COL4A1: variants seen among roughly 807,000 people sequenced by gnomAD.
The protein encoded by COL4A1 is collagen alpha-1(IV) chain.
COL4A1 carries 40 observed loss-of-function variants against 216.6 expected under a neutral mutation model. The observed-to-expected ratio is 0.18, with a 90% confidence interval of 0.14 to 0.24. COL4A1 has a LOEUF of 0.24. COL4A1 is among the 10% of genes least tolerant of loss of function. COL4A1 has a pLI of 1.00. For missense variants in COL4A1, 1,628 were observed against 2,196.8 expected (o/e 0.74, Z 5.18); for synonymous variants, 839 against 810.7 (o/e 1.03, Z -0.59).
chr13:110,155,907 C>T (rs761117439), intron 49 of COL4A1, among the ~76,000 whole-genome samples: 14 of 151,740 alleles, frequency 9.2e-5, no homozygotes, highest in Non-Finnish European at 1.8e-4. Context: ...AGTGAAACTC[C>T]GTCTCAAAAA....
chr13:110,225,066 T>C (rs1006206102), intron 2 of COL4A1, among the ~76,000 whole-genome samples: 2 of 152,170 alleles, frequency 1.3e-5, no homozygotes, highest in African/African-American at 4.8e-5. Context: ...GATATAATTA[T>C]TTATCAAAAT....
At chr13:110,196,260 T>TC (rs140878509) in intron 21 of COL4A1, among the ~76,000 whole-genome samples, 3 of 152,180 alleles carry the variant, frequency 2.0e-5, no homozygotes, top group African/African-American at 7.2e-5. Flanking sequence ...TCACCATGGG[T>TC]CCCCCACAGC....
In COL4A1 at chr13:110,242,611, G is replaced by C. The variant is rs1056562532; in HGVS notation, c.144+64C>G. ...CTGAATTGCTGATTATTCGGTTACT[G>C]TTAATGTAGTACTTACTGTCCAATT... is the stretch of plus-strand genomic sequence containing the variant. On this transcript the variant is annotated intron_variant, in intron 2 of 51. Transcript: ENST00000375820. The C allele has an allele frequency of 7.8e-6, 12 of 1,531,456 alleles. No homozygotes were observed. The African/African-American group carries it at 9.6e-5, about 12-fold the overall frequency. 94.9% of individuals were successfully genotyped at this position (1,531,456 alleles called of 1,614,324 possible).
rs1555308840 is a variant in COL4A1, at chr13:110,227,427, A to ACACACAC, written c.145-13413_145-13412insGTGTGTG. Among the ~76,000 whole-genome samples the ACACACAC allele has an allele frequency of 3.5e-3, 455 of 130,432 alleles. 2 individuals are homozygous for ACACACAC. Among genetic ancestry groups the ACACACAC allele is most frequent in the Non-Finnish European group, 4.4e-3 (269 of 61,016 alleles). The allele number at this position is 130,432 out of a possible 152,430, so 85.6% of individuals were successfully genotyped here. On this transcript the variant is annotated intron_variant, in intron 2 of 51. Coordinates refer to ENST00000375820, the MANE Select transcript of COL4A1 (RefSeq NM_001845.6). Reference sequence around the variant, plus strand: ...ACACACACACACACACACACACACAAACACACACAAACACAGAATCAGAAA... The same window carrying ACACACAC: ...ACACACACACACACACACACACACAACACACACACACACACAAACACAGAATCAGAAA...
At chr13:110,184,395 A>G (rs1380096116) in intron 26 of COL4A1, among the ~76,000 whole-genome samples, 1 of 152,230 alleles carries the variant, frequency 6.6e-6, no homozygotes, top group African/African-American at 2.4e-5. Context: ...TTGTGGAATC[A>G]AGAGACCCAA....
chr13:110,307,114 G>T lies in COL4A1; in HGVS notation c.-87C>A. ...TAGCTCTCGGAAGGCCGGACTTCCAGCGCTACGCACCGTCCCGGGTGCGGC... is the reference window on the plus strand; with the variant it reads ...TAGCTCTCGGAAGGCCGGACTTCCATCGCTACGCACCGTCCCGGGTGCGGC... On this transcript the variant is annotated 5_prime_UTR_variant, in exon 1 of 52. The change creates a new upstream start codon in the 5' untranslated region. Coordinates refer to ENST00000375820, the MANE Select transcript of COL4A1 (RefSeq NM_001845.6). This position sits in a 1 kb window ranked among gnomAD's most constrained non-coding sequence, Gnocchi z 5.0. The T allele has an allele frequency of 8.9e-7, 1 of 1,128,526 alleles. No homozygotes were observed. The highest frequency in any genetic ancestry group is 1.2e-6 in the Non-Finnish European group (1 of 847,184). 69.9% of individuals were successfully genotyped at this position (1,128,526 alleles called of 1,614,324 possible).
intron 1 of COL4A1, among the ~76,000 whole-genome samples, chr13:110,263,148 C>T (rs1159091313): frequency 2.0e-5 from 3 of 152,204 alleles, no homozygotes; most frequent in Non-Finnish European, 4.4e-5. Flanking sequence ...CACAGTGTAT[C>T]CTCTCCAGTC....
chr13:110,221,528 A>G (rs971057631), intron 2 of COL4A1, among the ~76,000 whole-genome samples: 12 of 152,190 alleles, frequency 7.9e-5, no homozygotes, highest in Non-Finnish European at 7.3e-5. Context: ...GAGTGCTGAT[A>G]AATTACTGGC....
chr13:110,211,634 A>C lies in COL4A1; in HGVS notation c.468+13T>G, dbSNP rs747012268. On this transcript the variant is annotated intron_variant, in intron 8 of 51. Transcript: ENST00000375820. The surrounding 1 kb of genome is among the most constrained non-coding windows in gnomAD (Gnocchi z 4.3). ...GTAATGAATCCAATAAAGCAAAATA[A>C]AATAAAATGTACCTTCATCCCTGGT... is the stretch of plus-strand genomic sequence containing the variant. 8.1e-6 allele frequency: 13 copies of C among 1,611,314 alleles called. No individual in the cohort carries two copies. The East Asian group carries it at 1.1e-4, about 14-fold the overall frequency.
intron 39 of COL4A1, 36 bp from the exon 40 acceptor site, chr13:110,174,034 C>A: frequency 1.2e-6 from 2 of 1,607,402 alleles, no homozygotes; most frequent in South Asian, 2.2e-5. Context: ...ACCCGCATAA[C>A]CTCTCACAGC....
Position 110,307,021 on chromosome 13 carries a change from G to A in COL4A1, c.7C>T (p.Pro3Ser). The change falls in exon 1 of 52, where the codon CCC (proline) becomes TCC (serine). Residue 3 changes from proline to serine, a missense_variant. This residue lies in a region of COL4A1 where 74 missense variants were observed against 61.7 expected (regional missense o/e 1.20). Coordinates refer to ENST00000375820, the MANE Select transcript of COL4A1 (RefSeq NM_001845.6). The surrounding 1 kb of genome is among the most constrained non-coding windows in gnomAD (Gnocchi z 5.0). Reference protein sequence around the residue: MGPRLSVWLLLLP... With the variant: MGSRLSVWLLLLP... The stretch of plus-strand genomic sequence containing the variant: ...AGCAGCAGCCAGACGCTGAGCCGGG[G>A]CCCCATGGTGGCGCGCCCGAGGCGG... The A allele has an allele frequency of 6.8e-7, 1 of 1,464,628 alleles. No homozygotes were observed. Among genetic ancestry groups the A allele is most frequent in the South Asian group, 1.3e-5 (1 of 76,224 alleles). The allele number at this position is 1,464,628 out of a possible 1,614,324, so 90.7% of individuals were successfully genotyped here.
At chr13:110,187,076 T>G in intron 25 of COL4A1, 62 bp downstream of exon 25, 6 of 1,582,440 alleles carry the variant, frequency 3.8e-6, no homozygotes, top group Non-Finnish European at 5.2e-6. Flanking sequence ...AATTACTCAT[T>G]TCTCAATGCT....
At chr13:110,220,806 C>T (rs1880443287) in intron 2 of COL4A1, among the ~76,000 whole-genome samples, 1 of 152,118 alleles carries the variant, frequency 6.6e-6, no homozygotes, top group African/African-American at 2.4e-5. Context: ...AGAACAGTGG[C>T]TGGGGTCTGA....
intron 1 of COL4A1, among the ~76,000 whole-genome samples, chr13:110,272,819 C>A (rs1417527736): frequency 1.3e-5 from 2 of 152,192 alleles, no homozygotes; most frequent in Non-Finnish European, 2.9e-5. Flanking sequence ...GTCACCTCTA[C>A]TATGGAAGTA....
At chr13:110,252,660 TG>T (rs1882183706) in intron 1 of COL4A1, among the ~76,000 whole-genome samples, 2 of 143,524 alleles carry the variant, frequency 1.4e-5, no homozygotes, top group Admixed American at 1.4e-4. Context: ...AATGTATATA[TG>T]TATATATACA....
At chr13:110,269,462 G>A (rs1883162912) in intron 1 of COL4A1, among the ~76,000 whole-genome samples, 1 of 152,130 alleles carries the variant, frequency 6.6e-6, no homozygotes, top group Non-Finnish European at 1.5e-5. Flanking sequence ...AAGTAATGAA[G>A]TACATTGGGA....
Position 110,152,450 on chromosome 13 carries a change from G to A in COL4A1, c.4812C>T (p.Cys1604=), listed in dbSNP as rs1361512892. 2 of 1,614,088 alleles carry A rather than the reference G, an allele frequency of 1.2e-6. No individual in the cohort carries two copies. Among genetic ancestry groups the A allele is most frequent in the Non-Finnish European group, 1.7e-6 (2 of 1,180,038 alleles). ...ATGGCGCACTTCTAAACTCCTCCAGGCAGGAGCCGGGGGACGCCAGGGCTT... is the reference window on the plus strand; with the variant it reads ...ATGGCGCACTTCTAAACTCCTCCAGACAGGAGCCGGGGGACGCCAGGGCTT... ...SGQALASPGS[C]LEEFRSAPFI... is the part of the protein sequence containing the mutation. The change falls in exon 51 of 52, where the codon TGC becomes TGT. Residue 1604 remains cysteine (C), a synonymous_variant. Transcript: ENST00000375820.
chr13:110,187,606 C>T (rs1433879836), intron 24 of COL4A1, among the ~76,000 whole-genome samples: 1 of 152,144 alleles, frequency 6.6e-6, no homozygotes, highest in Non-Finnish European at 1.5e-5. Context: ...TGGCTTTGGG[C>T]ACCCAGCTCT....
chr13:110,230,847 C>T (rs1201996953), intron 2 of COL4A1, among the ~76,000 whole-genome samples: 1 of 152,194 alleles, frequency 6.6e-6, no homozygotes, highest in East Asian at 1.9e-4. Flanking sequence ...CCTCCAGCCG[C>T]CCGGAACCTC....
Sources: gnomAD v4.1 joint callset for allele counts (sites outside exome capture counted in the v4.1 genomes callset) on GRCh38, gnomAD v4.1.1 for gene constraint, gnomAD v4.1.1 regional missense constraint, Gnocchi (gnomAD v3.1) non-coding constraint, MANE v1.5 for transcripts, NCBI Gene and HGNC (gene_info 2026-07-23, HGNC 2026-07-21) for gene names.